SFT2D2: variants seen among roughly 807,000 people sequenced by gnomAD.
The protein encoded by SFT2D2 is vesicle transport protein SFT2B.
Under a neutral mutation model 27.4 loss-of-function variants are expected in SFT2D2, and 21 were observed. The observed-to-expected ratio is 0.77, with a 90% CI of 0.54 to 1.10. The LOEUF (loss-of-function observed/expected upper bound fraction) is 1.10. SFT2D2 is among the 50% of genes least tolerant of loss of function. The pLI is 0.00. For missense variants in SFT2D2, 187 were observed against 194.2 expected (o/e 0.96, Z 0.22); for synonymous variants, 72 against 71.7 (o/e 1.00, Z -0.02).
rs1355752463 is a variant in SFT2D2, at chr1:168,243,644, T to C, written c.*1104T>C. 3 of 152,278 alleles carry C rather than the reference T, an allele frequency of 2.0e-5. No individual in the cohort carries two copies. Among genetic ancestry groups the C allele is most frequent in the Non-Finnish European group, 4.4e-5 (3 of 68,114 alleles). The allele number at this position is 152,278 out of a possible 1,614,324, so 9.4% of individuals were successfully genotyped here. On this transcript the variant is annotated 3_prime_UTR_variant, in exon 8 of 8. Coordinates refer to ENST00000271375, the MANE Select transcript of SFT2D2 (RefSeq NM_199344.3). ...TCTTACCTGGTTCTTATGGAGAGCC[T>C]TGTGAGGAAGCAGGGATTGTTATAC...
Position 168,242,553 on chromosome 1 carries a change from T to G in SFT2D2, c.*13T>G. Reference sequence around the variant, plus strand: ...GTGTCTTGCATAATTCATGGCCAGTTTTATGAAGCTTTGGAAGGCACTATG... The same window carrying G: ...GTGTCTTGCATAATTCATGGCCAGTGTTATGAAGCTTTGGAAGGCACTATG... On this transcript the variant is annotated 3_prime_UTR_variant, in exon 8 of 8. Coordinates refer to ENST00000271375, the MANE Select transcript of SFT2D2 (RefSeq NM_199344.3). 1 of 1,614,158 alleles carries G rather than the reference T, an allele frequency of 6.2e-7. No homozygotes were observed. Among genetic ancestry groups the G allele is most frequent in the Non-Finnish European group, 8.5e-7 (1 of 1,180,010 alleles).
chr1:168,228,563 TTCTG>T (rs1210867509), intron 1 of SFT2D2, among the ~76,000 whole-genome samples: 1 of 152,210 alleles, frequency 6.6e-6, no homozygotes, highest in Non-Finnish European at 1.5e-5. Context: ...ATGGACTTCT[TTCTG>T]AAAGTATAGG....
At chr1:168,233,517 A>G (rs374830295) in intron 3 of SFT2D2, among the ~76,000 whole-genome samples, 4 of 152,186 alleles carry the variant, frequency 2.6e-5, no homozygotes, top group African/African-American at 9.7e-5. Flanking sequence ...TGTTAATTAA[A>G]TGATTGATTG....
At chr1:168,229,905 C>G (rs1441380205) in intron 1 of SFT2D2, among the ~76,000 whole-genome samples, 17 of 152,306 alleles carry the variant, frequency 1.1e-4, no homozygotes, top group African/African-American at 3.8e-4. Context: ...CAGACTCCTC[C>G]AGGAGAGGTT....
At chr1:168,236,871 A>G in intron 6 of SFT2D2, 101 bp downstream of exon 6, 1 of 1,341,262 alleles carries the variant, frequency 7.5e-7, no homozygotes, top group East Asian at 2.4e-5. Context: ...TTAAGAAAAC[A>G]CAGAAGCTGT....
chr1:168,242,932 G>C lies in SFT2D2; in HGVS notation c.*392G>C, dbSNP rs1365395397. The C allele has an allele frequency of 7.6e-6, 2 of 263,276 alleles. No homozygotes were observed. The highest frequency in any genetic ancestry group is 7.5e-6 in the Non-Finnish European group (1 of 133,096). 16.3% of individuals were successfully genotyped at this position (263,276 alleles called of 1,614,324 possible). A position where few individuals can be genotyped will look rare whatever the true frequency, so the allele number is the denominator to read the frequency against. On this transcript the variant is annotated 3_prime_UTR_variant, in exon 8 of 8. Transcript: ENST00000271375. Reference sequence around the variant, plus strand: ...CACGGGAGCAACAGTAAGGGACAGAGTTTTGGGGTCCACTTGTCCCTCAGC... The same window carrying C: ...CACGGGAGCAACAGTAAGGGACAGACTTTTGGGGTCCACTTGTCCCTCAGC...
chr1:168,231,548 G>A lies in SFT2D2; in HGVS notation c.98G>A (p.Arg33Lys), dbSNP rs1647306270. 2 of 1,613,958 alleles carry A rather than the reference G, an allele frequency of 1.2e-6. No individual in the cohort carries two copies. Among genetic ancestry groups the A allele is most frequent in the East Asian group, 2.2e-5 (1 of 44,872 alleles). Residue 33 changes from arginine (R) to lysine (K), a missense_variant, in exon 2 of 8, where the codon AGG becomes AAG. By Grantham distance (26) the Arg-to-Lys change is conservative. Coordinates refer to ENST00000271375, the MANE Select transcript of SFT2D2 (RefSeq NM_199344.3). ...VEASSLSWST[R>K]IKGFIACFAI... ...GCATCTTCATTAAGCTGGAGTACCA[G>A]GATAAAAGGCTTCATTGCGTGTTTT...
intron 4 of SFT2D2, among the ~76,000 whole-genome samples, chr1:168,235,564 G>A (rs566454835): frequency 6.6e-6 from 1 of 152,326 alleles, no homozygotes; most frequent in South Asian, 2.1e-4. Flanking sequence ...TAGGGTGGGT[G>A]TCCTGTCTTA....
In SFT2D2 at chr1:168,236,688, A is replaced by G. The variant is rs748689915; in HGVS notation, c.355-24A>G. On this transcript the variant is annotated intron_variant, in intron 5 of 7. Transcript: ENST00000271375. ...TTTGCCCCTTGTCTCACACTCTCCT[A>G]TAACCATATTATTATTTTTCCAGTG... The G allele has an allele frequency of 4.3e-6, 7 of 1,613,864 alleles. No individual in the cohort carries two copies. The South Asian group carries it at 6.6e-5, about 15-fold the overall frequency.
intron 1 of SFT2D2, among the ~76,000 whole-genome samples, chr1:168,228,859 A>G (rs1700486177): frequency 6.6e-6 from 1 of 152,206 alleles, no homozygotes; most frequent in African/African-American, 2.4e-5. Flanking sequence ...TCCAAAAACA[A>G]TATGCTAGCA....
intron 1 of SFT2D2, among the ~76,000 whole-genome samples, chr1:168,228,040 G>T (rs1332635324): frequency 6.6e-6 from 1 of 152,164 alleles, no homozygotes; most frequent in Non-Finnish European, 1.5e-5. Flanking sequence ...AAGAATAGGT[G>T]CTTCGTTCTT....
chr1:168,236,901 T>C, intron 6 of SFT2D2, 131 bp downstream of exon 6: 1 of 1,131,084 alleles, frequency 8.8e-7, no homozygotes. Context: ...GGATTCGTAA[T>C]GATGAAAGTG....
chr1:168,232,488 G>A (rs1048053818), intron 3 of SFT2D2, among the ~76,000 whole-genome samples: 3 of 152,172 alleles, frequency 2.0e-5, no homozygotes, highest in Non-Finnish European at 4.4e-5. Context: ...GCACTGGCCT[G>A]GCCTCTACCT....
chr1:168,236,606 CCT>C lies in SFT2D2; in HGVS notation c.337_338del (p.Leu113ValfsTer8). 1 of 1,613,234 alleles carries C rather than the reference CCT, an allele frequency of 6.2e-7. No individual in the cohort carries two copies. The highest frequency in any genetic ancestry group is 8.5e-7 in the Non-Finnish European group (1 of 1,179,902). ...IMVLLCFALT[L>X]CSAFWWHNKG... ...TCCTTTAGTTGTGTTTTGCACTTAC[CCT>C]GTGTTCTGCCTTTTGGGTAAATGTA... On this transcript the variant is annotated frameshift_variant, in exon 5 of 8. Coordinates refer to ENST00000271375, the MANE Select transcript of SFT2D2 (RefSeq NM_199344.3). LOFTEE classifies it high-confidence loss of function.
Position 168,231,492 on chromosome 1 carries a change from ATTT to A in SFT2D2, c.64-12_64-10del. ...TTTTAGTAAATGTGTGTGTATATGT[ATTT>A]TTTTTTTTTCAATTTTAGGTTGTTG... is the stretch of plus-strand genomic sequence containing the variant. On this transcript the variant is annotated intron_variant, in intron 1 of 7. Transcript: ENST00000271375. 2 of 1,409,182 alleles carry A rather than the reference ATTT, an allele frequency of 1.4e-6. No homozygotes were observed. Among genetic ancestry groups the A allele is most frequent in the South Asian group, 1.3e-5 (1 of 77,848 alleles). 87.3% of individuals were successfully genotyped at this position (1,409,182 alleles called of 1,614,324 possible). A position where few individuals can be genotyped will look rare whatever the true frequency, so the allele number is the denominator to read the frequency against.
chr1:168,229,801 A>C (rs1700495040), intron 1 of SFT2D2: 3 of 152,192 alleles, frequency 2.0e-5, no homozygotes, highest in Non-Finnish European at 1.5e-5. Flanking sequence ...CTTTAGTCCG[A>C]AGTAGCCTGA....
rs1375821993 is a variant in SFT2D2, at chr1:168,251,514, A to G, written c.*8974A>G. 3 of 152,148 alleles carry G rather than the reference A, an allele frequency of 2.0e-5. No individual in the cohort carries two copies. Among genetic ancestry groups the G allele is most frequent in the Non-Finnish European group, 2.9e-5 (2 of 68,010 alleles). 9.4% of individuals were successfully genotyped at this position (152,148 alleles called of 1,614,324 possible). On this transcript the variant is annotated 3_prime_UTR_variant, in exon 8 of 8. Coordinates refer to ENST00000271375, the MANE Select transcript of SFT2D2 (RefSeq NM_199344.3). ...CCAGTGGCTATGGATTCTATTTTCTATGGGACTGTCTACGCCAGGCTTTAT... is the reference window on the plus strand; with the variant it reads ...CCAGTGGCTATGGATTCTATTTTCTGTGGGACTGTCTACGCCAGGCTTTAT...
intron 7 of SFT2D2, among the ~76,000 whole-genome samples, chr1:168,240,614 T>C (rs776651608): frequency 1.3e-5 from 2 of 152,060 alleles, no homozygotes; most frequent in Non-Finnish European, 2.9e-5. Flanking sequence ...AAATGTGAGC[T>C]TCTTGTTCAA....
At chr1:168,233,115 C>T (rs1018913630) in intron 3 of SFT2D2, among the ~76,000 whole-genome samples, 13 of 152,190 alleles carry the variant, frequency 8.5e-5, no homozygotes, top group African/African-American at 1.9e-4. Flanking sequence ...CTGGCTTCAC[C>T]GTTGTCCCAT....
Sources: gnomAD v4.1 joint callset for allele counts (sites outside exome capture counted in the v4.1 genomes callset) on GRCh38, gnomAD v4.1.1 for gene constraint, MANE v1.5 for transcripts, NCBI Gene and HGNC (gene_info 2026-07-23, HGNC 2026-07-21) for gene names.